Variants in MSH3 observed in about 807,000 individuals in gnomAD.
MSH3 encodes the protein DNA mismatch repair protein Msh3.
A neutral mutation model predicts 123.3 loss-of-function variants in MSH3; 106 were observed. The ratio of observed to expected loss-of-function variants is 0.86; its 90% CI spans 0.73 to 1.01. MSH3 has a LOEUF of 1.01. Ranked by LOEUF, MSH3 falls within the 50% of genes least tolerant of loss-of-function variation. MSH3 has a pLI of 0.00. For missense variants in MSH3, 1,459 were observed against 1,347.6 expected (o/e 1.08, Z -1.29); for synonymous variants, 515 against 481.4 (o/e 1.07, Z -0.91).
At chr5:80,769,424 GTA>G (rs775308381) in intron 15 of MSH3, among the ~76,000 whole-genome samples, 73 of 151,946 alleles carry the variant, frequency 4.8e-4, no homozygotes, top group Non-Finnish European at 8.7e-4. Flanking sequence ...AAAGTTAAGA[GTA>G]TAGCTGCTAA....
rs147777411 is a variant in MSH3 at position 80,670,317 on chromosome 5, G to A, written c.792+8G>A. 2.4e-4 allele frequency: 394 copies of A among 1,611,848 alleles called. No homozygotes were observed. The African/African-American group carries it at 4.3e-3, about 17-fold the overall frequency. ...TTTGGGGAAGATGCAGAGGTAAGTC[G>A]TCTTTTCAGGCACTATTTTATATTT... On this transcript the variant is annotated splice_region_variant and intron_variant, in intron 4 of 23. Transcript: ENST00000265081.
intron 12 of MSH3, among the ~76,000 whole-genome samples, chr5:80,744,943 A>G (rs929397122): frequency 6.6e-6 from 1 of 152,138 alleles, no homozygotes; most frequent in African/African-American, 2.4e-5. Flanking sequence ...CATGGGGCTG[A>G]TATCATCAGA....
intron 10 of MSH3, among the ~76,000 whole-genome samples, chr5:80,737,750 C>A (rs1165908029): frequency 1.3e-5 from 2 of 152,064 alleles, no homozygotes; most frequent in African/African-American, 2.4e-5. Flanking sequence ...GACTCCAACT[C>A]CAGAATACGT....
chr5:80,770,779 A>G (rs1456462310), intron 15 of MSH3, among the ~76,000 whole-genome samples: 1 of 152,234 alleles, frequency 6.6e-6, no homozygotes, highest in African/African-American at 2.4e-5. Context: ...CATAGTATTC[A>G]AAATAAAATA....
At position 80,775,677 on chromosome 5, in the gene MSH3, A is replaced by C; in HGVS notation, c.2254-17A>C. On this transcript the variant is annotated splice_polypyrimidine_tract_variant and intron_variant, in intron 15 of 23. Transcript: ENST00000265081. ...TGGTTACTTATCTAAATCTCTGTTT[A>C]TTTGTATTTGTTTTAGTTTATGATA... The C allele has an allele frequency of 7.3e-7, 1 of 1,362,846 alleles. No homozygotes were observed. Among genetic ancestry groups the C allele is most frequent in the Non-Finnish European group, 1.0e-6 (1 of 954,004 alleles). 84.4% of individuals were successfully genotyped at this position (1,362,846 alleles called of 1,614,324 possible). A position where few individuals can be genotyped will look rare whatever the true frequency, so the allele number is the denominator to read the frequency against.
intron 19 of MSH3, among the ~76,000 whole-genome samples, chr5:80,793,101 G>A (rs1444093727): frequency 6.6e-6 from 1 of 152,130 alleles, no homozygotes; most frequent in Non-Finnish European, 1.5e-5. Flanking sequence ...TTTTACATTT[G>A]TAAATACCCA....
intron 8 of MSH3, among the ~76,000 whole-genome samples, chr5:80,687,753 A>G (rs1750125150): frequency 6.6e-6 from 1 of 152,168 alleles, no homozygotes; most frequent in African/African-American, 2.4e-5. Context: ...ACTGGTATGG[A>G]TTCCTGTAGA....
At chr5:80,761,941 C>T (rs1744043200) in intron 13 of MSH3, among the ~76,000 whole-genome samples, 1 of 151,946 alleles carries the variant, frequency 6.6e-6, no homozygotes, top group Non-Finnish European at 1.5e-5. Context: ...AGGGTATTCT[C>T]CTGTTTCATC....
rs759299041 is a variant in MSH3, at chr5:80,679,052, C to G, written c.1299C>G (p.Ser433=). ...PVELLLPSAL[S]EQTEALIHRA... Reference sequence around the variant, plus strand: ...AGCTGCTGCTTCCTTCGGCCTTGTCCGAGCAAACAGAGGCGCTCATCCACA... The same window carrying G: ...AGCTGCTGCTTCCTTCGGCCTTGTCGGAGCAAACAGAGGCGCTCATCCACA... The change falls in exon 8 of 24, where the codon TCC becomes TCG. Residue 433 remains serine, a synonymous_variant. Coordinates refer to ENST00000265081, the MANE Select transcript of MSH3 (RefSeq NM_002439.5). 1.2e-6 allele frequency: 2 copies of G among 1,614,052 alleles called. No homozygotes were observed. Among genetic ancestry groups the G allele is most frequent in the Admixed American group, 1.7e-5 (1 of 60,012 alleles).
intron 10 of MSH3, among the ~76,000 whole-genome samples, chr5:80,734,491 C>A (rs939919415): frequency 6.6e-6 from 1 of 152,154 alleles, no homozygotes; most frequent in African/African-American, 2.4e-5. Context: ...ACACACTTAT[C>A]TTTTAAATGT....
intron 17 of MSH3, among the ~76,000 whole-genome samples, chr5:80,784,222 A>C (rs1210429549): frequency 7.4e-6 from 1 of 134,312 alleles, no homozygotes; most frequent in Non-Finnish European, 1.5e-5. Context: ...CAAAAAAAAA[A>C]AAAAAAAAAA....
At chr5:80,759,379 G>A (rs1035972796) in intron 12 of MSH3, among the ~76,000 whole-genome samples, 19 of 152,192 alleles carry the variant, frequency 1.2e-4, no homozygotes, top group Non-Finnish European at 2.6e-4. Context: ...CAGACGAAGT[G>A]TAGCTGATGG....
At chr5:80,763,253 A>T (rs1442078153) in intron 13 of MSH3, among the ~76,000 whole-genome samples, 1 of 152,226 alleles carries the variant, frequency 6.6e-6, no homozygotes, top group Non-Finnish European at 1.5e-5. Flanking sequence ...ACTGCTTCTA[A>T]GAATACTTGA....
intron 2 of MSH3, among the ~76,000 whole-genome samples, chr5:80,660,253 T>C (rs1749402982): frequency 1.3e-5 from 2 of 152,024 alleles, no homozygotes; most frequent in African/African-American, 4.8e-5. Context: ...GCAGGTTTGT[T>C]GAAAGGCACT....
At chr5:80,787,762 C>T (rs886123329) in intron 18 of MSH3, 90 bp downstream of exon 18, 1 of 888,672 alleles carries the variant, frequency 1.1e-6, no homozygotes, top group African/African-American at 1.7e-5. Context: ...TAAAATATTA[C>T]AGTTACTCAA....
rs139593361 is a variant in MSH3, at chr5:80,768,052, T to G, written c.2016T>G (p.Ile672Met). ...AGTCAGACTTGCTCCGGACCGTTAT[T>G]TTAGAAATTCCTGAACTCCTCAGTC... Reference protein sequence around the residue: ...HIQSDLLRTVILEIPELLSPV... With the variant: ...HIQSDLLRTVMLEIPELLSPV... The change falls in exon 14 of 24, where the codon ATT becomes ATG. Residue 672 changes from isoleucine (I) to methionine (M), a missense_variant. Transcript: ENST00000265081. 6.4e-5 allele frequency: 103 copies of G among 1,613,706 alleles called. No homozygotes were observed. In the African/African-American group the frequency reaches 1.3e-3, roughly 20 times the overall value.
At chr5:80,709,627 G>A (rs558808319) in intron 8 of MSH3, among the ~76,000 whole-genome samples, 5 of 151,926 alleles carry the variant, frequency 3.3e-5, no homozygotes, top group Admixed American at 2.0e-4. Flanking sequence ...GTGAAACTCC[G>A]TCTCAAAAAA....
chr5:80,803,722 A>C (rs762453916), intron 19 of MSH3, among the ~76,000 whole-genome samples: 20 of 152,052 alleles, frequency 1.3e-4, no homozygotes, highest in Non-Finnish European at 1.3e-4. Flanking sequence ...TTTAGATTTA[A>C]GTCTCTAATC....
At chr5:80,849,755 G>A (rs1040096856) in intron 20 of MSH3, among the ~76,000 whole-genome samples, 10 of 152,120 alleles carry the variant, frequency 6.6e-5, no homozygotes, top group Admixed American at 1.3e-4. Flanking sequence ...CTCCCGGGGT[G>A]TGTTGGGAGG....
Sources: gnomAD v4.1 joint callset for allele counts (sites outside exome capture counted in the v4.1 genomes callset) on GRCh38, gnomAD v4.1.1 for gene constraint, MANE v1.5 for transcripts, NCBI Gene and HGNC (gene_info 2026-07-23, HGNC 2026-07-21) for gene names.